The following INPP4B variants were observed in gnomAD, a reference collection of about 807,000 sequenced individuals.
The protein encoded by INPP4B is inositol polyphosphate 4-phosphatase type II.
INPP4B carries 55 observed loss-of-function variants against 122.5 expected under a neutral mutation model. That is an observed-to-expected ratio of 0.45 (90% CI 0.36 to 0.56). The LOEUF (loss-of-function observed/expected upper bound fraction) is 0.56, where lower values mean the gene tolerates loss of function less well. Among genes scored for constraint, INPP4B ranks in the 20% least tolerant of loss-of-function variants. The pLI, the probability that INPP4B is intolerant of heterozygous loss-of-function variation, is 0.00. For missense variants in INPP4B, 1,000 were observed against 1,097.7 expected (o/e 0.91, Z 1.26); for synonymous variants, 403 against 388.7 (o/e 1.04, Z -0.43).
chr4:142,030,733 G>A (rs1164906942), intron 25 of INPP4B, among the ~76,000 whole-genome samples: 1 of 152,092 alleles, frequency 6.6e-6, no homozygotes, highest in Non-Finnish European at 1.5e-5. Flanking sequence ...AAACCAATGT[G>A]TCTGGCATAT....
At position 142,211,933 on chromosome 4, in the gene INPP4B, G is replaced by A. The variant is rs566566190; in HGVS notation, c.837-2907C>T. ...CTAATGCCTGGTCTTCACCTTGAGA[G>A]AGGCTGATATAGTTAATGGTGTTAA... On this transcript the variant is annotated intron_variant, in intron 12 of 25. Coordinates refer to ENST00000262992, the MANE Select transcript of INPP4B (RefSeq NM_001101669.3). Among the ~76,000 whole-genome samples the A allele has an allele frequency of 3.3e-4, 50 of 152,284 alleles. 1 individual carries two copies. In the South Asian group the frequency reaches 0.01, roughly 31 times the overall value.
At chr4:142,533,964 C>T (rs1827910547) in intron 2 of INPP4B, among the ~76,000 whole-genome samples, 1 of 152,134 alleles carries the variant, frequency 6.6e-6, no homozygotes. Flanking sequence ...TAGATAGAAG[C>T]TTTAACAGCC....
chr4:142,366,451 A>G (rs1390126877), intron 7 of INPP4B, among the ~76,000 whole-genome samples: 35 of 152,150 alleles, frequency 2.3e-4, no homozygotes, highest in Non-Finnish European at 1.5e-5. Context: ...TCTAAATTAA[A>G]AGACGCATTG....
chr4:142,632,866 C>T (rs921535078), intron 2 of INPP4B, among the ~76,000 whole-genome samples: 1 of 151,010 alleles, frequency 6.6e-6, no homozygotes, highest in African/African-American at 2.4e-5. Context: ...TAATACTTCA[C>T]TATAAGACAG....
intron 9 of INPP4B, among the ~76,000 whole-genome samples, chr4:142,296,570 ATT>A (rs1758787274): frequency 6.6e-6 from 1 of 152,258 alleles, no homozygotes; most frequent in Admixed American, 6.5e-5. Flanking sequence ...TGTTGTAAGA[ATT>A]TCACATTAGT....
At chr4:142,134,684 C>A (rs759777013) in intron 18 of INPP4B, among the ~76,000 whole-genome samples, 5 of 150,332 alleles carry the variant, frequency 3.3e-5, no homozygotes, top group Non-Finnish European at 7.4e-5. Context: ...GTAATCCCAG[C>A]TGGTTGGGAG....
At chr4:142,221,190 G>A (rs532712278) in intron 12 of INPP4B, among the ~76,000 whole-genome samples, 2 of 152,080 alleles carry the variant, frequency 1.3e-5, no homozygotes, top group African/African-American at 4.8e-5. Context: ...ACGAGGTCAG[G>A]AGATCGAGAC....
At chr4:142,047,614 A>C (rs1157360304) in intron 25 of INPP4B, among the ~76,000 whole-genome samples, 1 of 152,034 alleles carries the variant, frequency 6.6e-6, no homozygotes, top group Non-Finnish European at 1.5e-5. Context: ...TAGATTAATG[A>C]TACTCTTCGG....
chr4:142,830,565 G>T (rs554075342), intron 1 of INPP4B, among the ~76,000 whole-genome samples: 1 of 152,206 alleles, frequency 6.6e-6, no homozygotes, highest in Non-Finnish European at 1.5e-5. Flanking sequence ...TGTGTTCCCT[G>T]CTGGAAGAAA....
chr4:142,708,474 G>A (rs1762717246), intron 2 of INPP4B, among the ~76,000 whole-genome samples: 1 of 152,086 alleles, frequency 6.6e-6, no homozygotes, highest in African/African-American at 2.4e-5. Flanking sequence ...CTGGGCCCAG[G>A]GCCCTGCTGC....
chr4:142,077,288 G>T (rs554315261), intron 25 of INPP4B, among the ~76,000 whole-genome samples: 2 of 152,008 alleles, frequency 1.3e-5, no homozygotes, highest in Admixed American at 6.6e-5. Context: ...ATTTTAAGGA[G>T]CTATGACAGA....
chr4:142,193,181 C>T lies in INPP4B; in HGVS notation c.1087G>A (p.Val363Ile), dbSNP rs1259802254. The T allele has an allele frequency of 1.2e-6, 2 of 1,607,862 alleles. No individual in the cohort carries two copies. The highest frequency in any genetic ancestry group is 2.2e-5 in the South Asian group (2 of 90,852). The part of the protein sequence containing the change: ...SPHLKDALYD[V>I]ITVGAPAAHF... Reference sequence around the variant, plus strand: ...GCAGCTGGGGCTCCCACAGTGATGACATCGTAGAGAGCATCTGGAGTAGAA... The same window carrying T: ...GCAGCTGGGGCTCCCACAGTGATGATATCGTAGAGAGCATCTGGAGTAGAA... Residue 363 changes from valine (V) to isoleucine (I), a missense_variant, in exon 15 of 26, where the codon GTC (valine) becomes ATC (isoleucine). Transcript: ENST00000262992.
intron 7 of INPP4B, among the ~76,000 whole-genome samples, chr4:142,386,971 C>T (rs1406382408): frequency 1.3e-5 from 2 of 152,074 alleles, no homozygotes; most frequent in African/African-American, 4.8e-5. Flanking sequence ...TAAGTTCTCT[C>T]TCGGATTTCA....
chr4:142,632,234 C>A (rs1223955113), intron 2 of INPP4B, among the ~76,000 whole-genome samples: 1 of 152,016 alleles, frequency 6.6e-6, no homozygotes, highest in Non-Finnish European at 1.5e-5. Context: ...TTCACATACA[C>A]AATGGAATAT....
At chr4:142,360,932 T>C (rs1055625208) in intron 7 of INPP4B, among the ~76,000 whole-genome samples, 7 of 151,954 alleles carry the variant, frequency 4.6e-5, no homozygotes, top group Non-Finnish European at 1.5e-5. Flanking sequence ...TATATACATA[T>C]CTATATACAT....
At chr4:142,287,787 G>A (rs529563531) in intron 9 of INPP4B, among the ~76,000 whole-genome samples, 1 of 152,128 alleles carries the variant, frequency 6.6e-6, no homozygotes, top group Non-Finnish European at 1.5e-5. Flanking sequence ...AGAATATAAT[G>A]CATCTTTATT....
chr4:142,175,620 A>C (rs900489466), intron 15 of INPP4B, among the ~76,000 whole-genome samples: 2 of 73,820 alleles, frequency 2.7e-5, no homozygotes, highest in Admixed American at 1.7e-4. Flanking sequence ...AGTTAAAGTA[A>C]ATGAAAAAAA....
chr4:142,675,226 T>C (rs551150376), intron 2 of INPP4B, among the ~76,000 whole-genome samples: 2 of 152,166 alleles, frequency 1.3e-5, no homozygotes, highest in South Asian at 2.1e-4. Context: ...AACACCTCTA[T>C]GCAAATAAAC....
At chr4:142,374,375 A>G (rs984353956) in intron 7 of INPP4B, among the ~76,000 whole-genome samples, 35 of 151,908 alleles carry the variant, frequency 2.3e-4, no homozygotes, top group Non-Finnish European at 2.1e-4. Context: ...TCTTTCAGTC[A>G]TCTAGATTTC....
Sources: allele counts gnomAD v4.1 joint callset (sites outside exome capture counted in the v4.1 genomes callset), GRCh38; gene constraint gnomAD v4.1.1; transcripts MANE v1.5; gene names NCBI Gene and HGNC (gene_info 2026-07-23, HGNC 2026-07-21).